Variants in MARCHF5 observed in about 807,000 individuals in gnomAD.
The protein encoded by MARCHF5 is E3 ubiquitin-protein ligase MARCHF5.
In MARCHF5, 5 loss-of-function variants were observed where a neutral mutation model predicts 36.5. The ratio of observed to expected loss-of-function variants is 0.14; its 90% CI spans 0.07 to 0.29. MARCHF5 has a LOEUF of 0.29. Ranked by LOEUF, MARCHF5 falls within the 10% of genes least tolerant of loss-of-function variation. The probability of loss-of-function intolerance (pLI) is 1.00; values close to 1 mark genes in which losing one functional copy is unlikely to be tolerated. For missense variants in MARCHF5, 179 were observed against 336.3 expected, an observed-to-expected ratio of 0.53 and a Z score of 3.66; for synonymous variants, 103 against 109.9, an observed-to-expected ratio of 0.94 and a Z score of 0.39.
Position 92,349,831 on chromosome 10 carries a change from A to G in MARCHF5, c.714A>G (p.Thr238=). 1.2e-6 allele frequency: 2 copies of G among 1,610,594 alleles called. No individual in the cohort carries two copies. Among genetic ancestry groups the G allele is most frequent in the Non-Finnish European group, 1.7e-6 (2 of 1,178,122 alleles). Residue 238 remains threonine, a synonymous_variant, in exon 5 of 6, where the codon ACA becomes ACG. Transcript: ENST00000358935. ...GTGTTAACTCTAATTTACAAAGGACAATCTTGGTAAGACGGCTTTAACATT... is the reference window on the plus strand; with the variant it reads ...GTGTTAACTCTAATTTACAAAGGACGATCTTGGTAAGACGGCTTTAACATT... ...FSSVNSNLQR[T]ILGGIAFVAI... is the part of the protein sequence containing the mutation.
intron 1 of MARCHF5, among the ~76,000 whole-genome samples, chr10:92,309,995 A>G (rs1335921093): frequency 6.6e-6 from 1 of 152,212 alleles, no homozygotes; most frequent in Non-Finnish European, 1.5e-5. Flanking sequence ...AAAGCTGAAT[A>G]AAACAACTAT....
rs1842887885 is a variant in MARCHF5 at position 92,292,334 on chromosome 10, C to T, written c.35+805C>T. On this transcript the variant is annotated intron_variant, in intron 1 of 5. Transcript: ENST00000358935. ...TGGAGACTCTAGATCCACATTTCCC[C>T]CGAGCCAAGTCTTACTTCCTGGCAT... Among the ~76,000 whole-genome samples, 8 of 152,196 alleles carry T rather than the reference C, an allele frequency of 5.3e-5. No homozygotes were observed. The South Asian group carries it at 1.7e-3, about 32-fold the overall frequency.
intron 1 of MARCHF5, among the ~76,000 whole-genome samples, chr10:92,305,995 A>T (rs578099966): frequency 2.0e-5 from 3 of 152,362 alleles, no homozygotes; most frequent in Admixed American, 6.5e-5. Flanking sequence ...CTTAGTACCC[A>T]ACACAGTAAC....
intron 1 of MARCHF5, among the ~76,000 whole-genome samples, chr10:92,293,546 A>G (rs1457700334): frequency 6.6e-6 from 1 of 151,708 alleles, no homozygotes; most frequent in African/African-American, 2.4e-5. Context: ...CAAGGCAGGC[A>G]GATCACTAGA....
At chr10:92,297,260 A>C (rs1235626517) in intron 1 of MARCHF5, among the ~76,000 whole-genome samples, 1 of 148,368 alleles carries the variant, frequency 6.7e-6, no homozygotes, top group Non-Finnish European at 1.5e-5. Context: ...TCAACCTCCC[A>C]GGCTCAAGTG....
Position 92,322,882 on chromosome 10 carries a change from C to T in MARCHF5, c.238+11545C>T, listed in dbSNP as rs191793096. Among the ~76,000 whole-genome samples, 17 of 151,868 alleles carry T rather than the reference C, an allele frequency of 1.1e-4. 1 individual carries two copies. Among genetic ancestry groups the T allele is most frequent in the African/African-American group, 4.1e-4 (17 of 41,298 alleles). ...CCTCCTGAGTAGCTGGGACTATAGG[C>T]GTGCACCACCACGCCCAGCTAATTT... On this transcript the variant is annotated intron_variant, in intron 2 of 5. Transcript: ENST00000358935.
chr10:92,307,115 T>C (rs531989387), intron 1 of MARCHF5, among the ~76,000 whole-genome samples: 13 of 151,992 alleles, frequency 8.6e-5, no homozygotes, highest in South Asian at 6.2e-4. Flanking sequence ...AGGATTTCAG[T>C]TGGAGTCTAG....
intron 5 of MARCHF5, 148 bp downstream of exon 5, chr10:92,349,985 G>T: frequency 1.6e-6 from 1 of 633,528 alleles, no homozygotes; most frequent in Non-Finnish European, 2.7e-6. Flanking sequence ...TCAATAGCTT[G>T]AGTGGAAATA....
intron 1 of MARCHF5, among the ~76,000 whole-genome samples, chr10:92,298,790 T>A (rs1842977200): frequency 6.6e-6 from 1 of 152,170 alleles, no homozygotes; most frequent in Non-Finnish European, 1.5e-5. Context: ...CTCAAACTCC[T>A]GAGCTTAAGT....
rs1312533830 is a variant in MARCHF5 at position 92,291,395 on chromosome 10, C to G, written c.-100C>G. 40 of 1,112,622 alleles carry G rather than the reference C, an allele frequency of 3.6e-5. No individual in the cohort carries two copies. The highest frequency in any genetic ancestry group is 5.2e-5 in the Non-Finnish European group (39 of 755,534). The allele number at this position is 1,112,622 out of a possible 1,614,324, so 68.9% of individuals were successfully genotyped here. On this transcript the variant is annotated 5_prime_UTR_variant, in exon 1 of 6. Transcript: ENST00000358935. ...TGGGTGACGGGTTCGCGGCTGCCGC[C>G]GGACTGCGGCCTACTCCGCCGCCTC...
intron 1 of MARCHF5, among the ~76,000 whole-genome samples, chr10:92,296,145 G>C (rs1332696241): frequency 6.6e-6 from 1 of 152,106 alleles, no homozygotes; most frequent in African/African-American, 2.4e-5. Flanking sequence ...AAAGTGCTGG[G>C]ATTACAGGGG....
chr10:92,344,024 A>G (rs1486279933), intron 3 of MARCHF5, among the ~76,000 whole-genome samples: 2 of 152,230 alleles, frequency 1.3e-5, no homozygotes, highest in Admixed American at 1.3e-4. Context: ...ATAGATATAT[A>G]TATTTTGCAA....
At chr10:92,350,640 C>G (rs1022124602) in intron 5 of MARCHF5, among the ~76,000 whole-genome samples, 9 of 152,164 alleles carry the variant, frequency 5.9e-5, no homozygotes, top group Non-Finnish European at 1.3e-4. Flanking sequence ...TGGCCCCCAG[C>G]AAACCCTTTG....
intron 2 of MARCHF5, among the ~76,000 whole-genome samples, chr10:92,329,467 A>G (rs1435336907): frequency 6.6e-6 from 1 of 152,160 alleles, no homozygotes; most frequent in Non-Finnish European, 1.5e-5. Flanking sequence ...TGGGGGTTTT[A>G]TATTTTTGAC....
intron 2 of MARCHF5, among the ~76,000 whole-genome samples, chr10:92,337,145 T>C (rs1326149476): frequency 6.8e-6 from 1 of 147,236 alleles, no homozygotes; most frequent in East Asian, 2.0e-4. Flanking sequence ...AGAGGAAAAC[T>C]GAGATTAGAT....
At chr10:92,340,318 C>T (rs142922330) in intron 2 of MARCHF5, among the ~76,000 whole-genome samples, 76 of 152,288 alleles carry the variant, frequency 5.0e-4, no homozygotes, top group African/African-American at 1.7e-3. Flanking sequence ...TTTAGCTATT[C>T]GTGCAAATGA....
intron 2 of MARCHF5, among the ~76,000 whole-genome samples, chr10:92,331,949 A>G (rs1301743923): frequency 6.8e-6 from 1 of 147,134 alleles, no homozygotes; most frequent in Non-Finnish European, 1.5e-5. Flanking sequence ...TCGTATATAT[A>G]TGTATATATA....
At chr10:92,345,223 G>A (rs1374471015) in intron 3 of MARCHF5, among the ~76,000 whole-genome samples, 1 of 151,852 alleles carries the variant, frequency 6.6e-6, no homozygotes, top group Non-Finnish European at 1.5e-5. Flanking sequence ...CTCTTGTTAG[G>A]ATTCTGGCCA....
At position 92,313,326 on chromosome 10, in the gene MARCHF5, C is replaced by T. The variant is rs1358517762; in HGVS notation, c.238+1989C>T. Among the ~76,000 whole-genome samples the T allele has an allele frequency of 5.4e-5, 8 of 149,446 alleles. No homozygotes were observed. In the South Asian group the frequency reaches 1.3e-3, roughly 24 times the overall value. On this transcript the variant is annotated intron_variant, in intron 2 of 5. Coordinates refer to ENST00000358935, the MANE Select transcript of MARCHF5 (RefSeq NM_017824.5). The stretch of plus-strand genomic sequence containing the variant: ...TTGTTACTAAGAATTGTGGCCGGGC[C>T]GGGCGCGGTGGCTCACACCTGTAAT...
Sources: gnomAD v4.1 joint callset for allele counts (sites outside exome capture counted in the v4.1 genomes callset) on GRCh38, gnomAD v4.1.1 for gene constraint, MANE v1.5 for transcripts, NCBI Gene and HGNC (gene_info 2026-07-23, HGNC 2026-07-21) for gene names.